Variants in ST3GAL5 observed in about 807,000 individuals in gnomAD.
ST3GAL5 encodes the protein ST3 beta-galactoside alpha-2,3-sialyltransferase 5, also known as lactosylceramide alpha-2,3-sialyltransferase.
Under a neutral mutation model 46.1 loss-of-function variants are expected in ST3GAL5, and 25 were observed. That is an observed-to-expected ratio of 0.54 (90% confidence interval 0.40 to 0.76). The LOEUF (loss-of-function observed/expected upper bound fraction) is 0.76. Among genes scored for constraint, ST3GAL5 ranks in the 30% least tolerant of loss-of-function variants. The pLI is 0.00. For synonymous variants in ST3GAL5, 182 were observed against 192.7 expected, an observed-to-expected ratio of 0.94 and a Z score of 0.46; for missense variants, 431 against 521.2, an observed-to-expected ratio of 0.83 and a Z score of 1.69.
Position 85,847,887 on chromosome 2 carries a change from G to C in ST3GAL5, c.636C>G (p.Thr212=). The change falls in exon 4 of 7, where the codon ACC becomes ACG. Residue 212 remains threonine (T), a synonymous_variant. Transcript: ENST00000638572. ...GILHGLELGH[T]LNQFDVVIRL... The stretch of plus-strand genomic sequence containing the variant: ...TTATCACAACATCGAACTGGTTCAG[G>C]GTGTGGCCCAGTTCTAATCCGTGCA... 1 of 1,614,014 alleles carries C rather than the reference G, an allele frequency of 6.2e-7. No individual in the cohort carries two copies. The highest frequency in any genetic ancestry group is 1.1e-5 in the South Asian group (1 of 91,080).
At chr2:85,881,053 G>C in intron 1 of ST3GAL5, 1 of 465,968 alleles carries the variant, frequency 2.1e-6, no homozygotes, top group Non-Finnish European at 4.2e-6. Context: ...GAATCACGGG[G>C]GCTGGTCTTT....
chr2:85,850,910 T>TC (rs1349608462), intron 3 of ST3GAL5: 1 of 140,182 alleles, frequency 7.1e-6, no homozygotes, highest in Non-Finnish European at 1.6e-5. Context: ...TTAATTTTCT[T>TC]CTTTTTTTTT....
chr2:85,888,329 C>T (rs1573744920), intron 1 of ST3GAL5: 1 of 152,766 alleles, frequency 6.5e-6, no homozygotes, highest in Admixed American at 6.5e-5. Context: ...GCAAGGCTGG[C>T]TGCAGAGAGG....
rs898048174 is a variant in ST3GAL5, at chr2:85,870,678, C to CT, written c.83-7194dup. On this transcript the variant is annotated intron_variant, in intron 1 of 6. Coordinates refer to ENST00000638572, the MANE Select transcript of ST3GAL5 (RefSeq NM_003896.4). ...TTTTAAAATGATAAATAATCGTACA[C>CT]TTTTTTTTTTTTTTTGAGACGGAGT... 2.7e-3 allele frequency among the ~76,000 whole-genome samples: 394 copies of CT among 143,878 alleles called. 1 individual carries two copies. The highest frequency in any genetic ancestry group is 7.0e-3 in the Middle Eastern group (2 of 286). The allele number at this position is 143,878 out of a possible 152,430, so 94.4% of individuals were successfully genotyped here.
intron 3 of ST3GAL5, 196 bp downstream of exon 3, chr2:85,860,985 G>A: frequency 1.7e-6 from 1 of 584,148 alleles, no homozygotes. Flanking sequence ...ATGGGAGAAG[G>A]ATACTGTGGA....
rs185431110 is a variant in ST3GAL5 at position 85,867,306 on chromosome 2, C to T, written c.83-3821G>A. 2.0e-4 allele frequency among the ~76,000 whole-genome samples: 31 copies of T among 152,212 alleles called. No individual in the cohort carries two copies. In the East Asian group the frequency reaches 3.7e-3, roughly 18 times the overall value. On this transcript the variant is annotated intron_variant, in intron 1 of 6. Transcript: ENST00000638572. The stretch of plus-strand genomic sequence containing the variant: ...GGTTAGAAATGCAGAGTCTCAGGCC[C>T]GCCCCAGTCTTGCTGACTCAGCATT...
At chr2:85,843,937 A>G (rs1298132982) in intron 6 of ST3GAL5, among the ~76,000 whole-genome samples, 1 of 152,382 alleles carries the variant, frequency 6.6e-6, no homozygotes, top group East Asian at 1.9e-4. Flanking sequence ...ATTAACTTTT[A>G]TAACTATCAC....
intron 5 of ST3GAL5, 123 bp downstream of exon 5, chr2:85,846,254 G>T: frequency 1.1e-6 from 1 of 891,356 alleles, no homozygotes; most frequent in Non-Finnish European, 1.8e-6. Context: ...ATCATCATTT[G>T]AAAGACAACA....
At chr2:85,846,916 A>G (rs1399086621) in intron 4 of ST3GAL5, 1 of 216,756 alleles carries the variant, frequency 4.6e-6, no homozygotes, top group East Asian at 1.1e-4. Flanking sequence ...CAGAATTTCA[A>G]AAAAGGAATC....
chr2:85,885,097 C>A (rs955018206), intron 1 of ST3GAL5, among the ~76,000 whole-genome samples: 18 of 152,178 alleles, frequency 1.2e-4, no homozygotes, highest in African/African-American at 4.3e-4. Flanking sequence ...AAATGTCTTA[C>A]ATGGCCTCAA....
upstream of ST3GAL5, chr2:85,889,020 GAGGA>G (rs1209896657): frequency 1.3e-6 from 1 of 752,310 alleles, no homozygotes; most frequent in Non-Finnish European, 1.8e-6. Flanking sequence ...CTCAGATGCG[GAGGA>G]GGGGCGCGTG....
chr2:85,867,711 A>C, intron 1 of ST3GAL5: 1 of 773,380 alleles, frequency 1.3e-6, no homozygotes, highest in Non-Finnish European at 2.4e-6. Context: ...ACCATACTGA[A>C]GGAATGTATA....
At chr2:85,857,097 A>AAAAAT (rs1558669884) in intron 3 of ST3GAL5, among the ~76,000 whole-genome samples, 1 of 132,290 alleles carries the variant, frequency 7.6e-6, no homozygotes, top group Admixed American at 8.2e-5. Flanking sequence ...AAAAAAAAAA[A>AAAAAT]TAGGCACGTA....
intron 3 of ST3GAL5, chr2:85,848,639 A>T (rs1683114976): frequency 5.9e-6 from 2 of 336,774 alleles, no homozygotes; most frequent in South Asian, 5.0e-5. Flanking sequence ...CCTGACTTAT[A>T]TGAGGTATCT....
chr2:85,865,755 C>T (rs190164697), intron 1 of ST3GAL5: 1 of 152,364 alleles, frequency 6.6e-6, no homozygotes, highest in Non-Finnish European at 1.5e-5. Flanking sequence ...CCAGGGCTTC[C>T]GCCTCCAGGT....
At chr2:85,852,828 T>A (rs763410279) in intron 3 of ST3GAL5, 147 of 1,272,960 alleles carry the variant, frequency 1.2e-4, no homozygotes, top group Non-Finnish European at 1.5e-4. Flanking sequence ...GTTAAAGCAT[T>A]TCTCCCTAGG....
rs1573566264 is a variant in ST3GAL5 at position 85,840,546 on chromosome 2, G to A, written c.1009-154C>T. The stretch of plus-strand genomic sequence containing the variant: ...AATTTTATACATCATGAACTTTAGA[G>A]TCCAACTCTCCATTTAAGTCAGGAA... On this transcript the variant is annotated intron_variant, in intron 6 of 6. Transcript: ENST00000638572. 4 of 796,652 alleles carry A rather than the reference G, an allele frequency of 5.0e-6. No individual in the cohort carries two copies. In the East Asian group the frequency reaches 1.1e-4, roughly 21 times the overall value. 49.3% of individuals were successfully genotyped at this position (796,652 alleles called of 1,614,324 possible). A position where few individuals can be genotyped will look rare whatever the true frequency, so the allele number is the denominator to read the frequency against.
At chr2:85,871,266 T>C (rs1685897398) in intron 1 of ST3GAL5, among the ~76,000 whole-genome samples, 1 of 152,250 alleles carries the variant, frequency 6.6e-6, no homozygotes, top group Admixed American at 6.5e-5. Context: ...TATCATTTCT[T>C]TGTGTTGGGA....
intron 6 of ST3GAL5, among the ~76,000 whole-genome samples, chr2:85,843,488 T>C (rs1455007068): frequency 3.3e-5 from 5 of 152,244 alleles, no homozygotes; most frequent in East Asian, 1.9e-4. Context: ...ATTGGTAAAG[T>C]TGAACATTTT....
Sources: allele counts gnomAD v4.1 joint callset (sites outside exome capture counted in the v4.1 genomes callset), GRCh38; gene constraint gnomAD v4.1.1; transcripts MANE v1.5; gene names NCBI Gene and HGNC (gene_info 2026-07-23, HGNC 2026-07-21).